The following SNTG1 variants were observed in gnomAD, a reference collection of about 807,000 sequenced individuals.
SNTG1 encodes syntrophin gamma 1, also known as gamma-1-syntrophin.
A neutral mutation model predicts 74.7 loss-of-function variants in SNTG1; 39 were observed. The ratio of observed to expected loss-of-function variants is 0.52; its 90% confidence interval spans 0.40 to 0.68. SNTG1 has a LOEUF of 0.68. Ranked by LOEUF, SNTG1 falls within the 30% of genes least tolerant of loss-of-function variation. The pLI, the probability that SNTG1 is intolerant of heterozygous loss-of-function variation, is 0.00. For missense variants in SNTG1, 685 were observed against 609.5 expected (o/e 1.12, Z -1.30); for synonymous variants, 254 against 217.1 (o/e 1.17, Z -1.49).
chr8:50,510,551 T>C (rs1210082273), intron 9 of SNTG1, among the ~76,000 whole-genome samples: 2 of 152,142 alleles, frequency 1.3e-5, no homozygotes, highest in African/African-American at 4.8e-5. Context: ...GTCCTGGACT[T>C]TTTTTGGTTG....
chr8:50,255,609 G>T (rs1167984239), intron 2 of SNTG1, among the ~76,000 whole-genome samples: 1 of 152,116 alleles, frequency 6.6e-6, no homozygotes, highest in Admixed American at 6.5e-5. Context: ...TTAGTGTTCT[G>T]ACTAGTAAAA....
chr8:50,754,793 A>C (rs1396784401), intron 18 of SNTG1, among the ~76,000 whole-genome samples: 1 of 151,822 alleles, frequency 6.6e-6, no homozygotes, highest in African/African-American at 2.4e-5. Context: ...TATAGGATTT[A>C]GTTCTATAAT....
chr8:50,246,504 CTTTT>C (rs58751270), intron 2 of SNTG1, among the ~76,000 whole-genome samples: 37 of 141,702 alleles, frequency 2.6e-4, no homozygotes, highest in Admixed American at 3.5e-4. Flanking sequence ...TAGTGTCTTT[CTTTT>C]TTTTTTTTTT....
intron 17 of SNTG1, among the ~76,000 whole-genome samples, chr8:50,715,501 C>T (rs2095472890): frequency 6.6e-6 from 1 of 152,048 alleles, no homozygotes; most frequent in Non-Finnish European, 1.5e-5. Context: ...TTTTGGAAAT[C>T]AAGATTGGTT....
intron 4 of SNTG1, among the ~76,000 whole-genome samples, chr8:50,432,680 G>GT (rs1291782387): frequency 2.0e-5 from 3 of 151,842 alleles, no homozygotes; most frequent in Admixed American, 6.6e-5. Context: ...GAACATATTT[G>GT]TTTTTTCTCT....
chr8:50,588,581 C>T (rs1389063749), intron 12 of SNTG1, among the ~76,000 whole-genome samples: 1 of 152,180 alleles, frequency 6.6e-6, no homozygotes, highest in Non-Finnish European at 1.5e-5. Flanking sequence ...TCAGCTTACA[C>T]AATTTATTTT....
intron 2 of SNTG1, among the ~76,000 whole-genome samples, chr8:50,213,217 G>A (rs1442737795): frequency 6.6e-6 from 1 of 152,084 alleles, no homozygotes; most frequent in African/African-American, 2.4e-5. Flanking sequence ...GTGTGGAGGT[G>A]GCAAAATCTT....
At position 50,792,796 on chromosome 8, in the gene SNTG1, T is replaced by C; in HGVS notation, c.1521T>C (p.Ser507=). The C allele has an allele frequency of 6.2e-7, 1 of 1,612,284 alleles. No individual in the cohort carries two copies. The highest frequency in any genetic ancestry group is 8.5e-7 in the Non-Finnish European group (1 of 1,178,758). Residue 507 remains serine, a synonymous_variant, in exon 19 of 19, where the codon TCT becomes TCC. Transcript: ENST00000642720. ...NQATASTAAS[S]ATTSKAKYTT ...CTACTGCTTCTACTGCTGCCAGCTCTGCTACCACGAGCAAAGCAAAGTATA... is the reference window on the plus strand; with the variant it reads ...CTACTGCTTCTACTGCTGCCAGCTCCGCTACCACGAGCAAAGCAAAGTATA...
intron 11 of SNTG1, among the ~76,000 whole-genome samples, chr8:50,548,518 T>C (rs2094403614): frequency 6.6e-6 from 1 of 152,192 alleles, no homozygotes; most frequent in Non-Finnish European, 1.5e-5. Flanking sequence ...GAGATGGACT[T>C]GTTTGTTTTT....
intron 1 of SNTG1, among the ~76,000 whole-genome samples, chr8:50,159,824 C>T (rs993005569): frequency 1.1e-4 from 17 of 152,072 alleles, no homozygotes; most frequent in African/African-American, 3.9e-4. Context: ...TTACAGGTTC[C>T]ATTATATATG....
intron 18 of SNTG1, among the ~76,000 whole-genome samples, chr8:50,769,139 G>T (rs2095621005): frequency 6.6e-6 from 1 of 150,614 alleles, no homozygotes; most frequent in Non-Finnish European, 1.5e-5. Context: ...CTACCCGTTT[G>T]TGTTAAGAGT....
intron 1 of SNTG1, among the ~76,000 whole-genome samples, chr8:49,938,566 T>TC (rs1209392830): frequency 7.9e-4 from 23 of 29,092 alleles, no homozygotes; most frequent in African/African-American, 2.2e-3. Context: ...TGTTTTCTTT[T>TC]CTTTTCTTTT....
chr8:50,789,560 A>C (rs930303777), intron 18 of SNTG1, among the ~76,000 whole-genome samples: 1 of 152,036 alleles, frequency 6.6e-6, no homozygotes, highest in African/African-American at 2.4e-5. Flanking sequence ...ATATGCGTTC[A>C]GATGTAACAT....
intron 9 of SNTG1, among the ~76,000 whole-genome samples, chr8:50,522,753 A>G (rs1466346052): frequency 1.3e-5 from 2 of 151,972 alleles, no homozygotes; most frequent in African/African-American, 4.8e-5. Context: ...TTATTTCTGT[A>G]TTTTTAGTAG....
intron 12 of SNTG1, among the ~76,000 whole-genome samples, chr8:50,565,299 G>A (rs1271884988): frequency 6.6e-6 from 1 of 151,990 alleles, no homozygotes; most frequent in African/African-American, 2.4e-5. Context: ...GGTAAAACCT[G>A]TGGAAATCTG....
chr8:50,399,354 G>A (rs2092771054), intron 3 of SNTG1, among the ~76,000 whole-genome samples: 1 of 152,128 alleles, frequency 6.6e-6, no homozygotes, highest in African/African-American at 2.4e-5. Context: ...CTAATAATTT[G>A]TGAACATTTT....
intron 2 of SNTG1, among the ~76,000 whole-genome samples, chr8:50,225,127 C>G (rs992774706): frequency 1.3e-5 from 2 of 152,008 alleles, no homozygotes; most frequent in African/African-American, 4.8e-5. Flanking sequence ...CCCACCACCA[C>G]GTCCAGCTAA....
At chr8:50,159,261 C>G (rs920285924) in intron 1 of SNTG1, among the ~76,000 whole-genome samples, 4 of 151,944 alleles carry the variant, frequency 2.6e-5, no homozygotes, top group Admixed American at 6.6e-5. Flanking sequence ...TTACTAAACT[C>G]TTTAGGTATG....
At chr8:50,009,833 A>G (rs1815598157) in intron 1 of SNTG1, among the ~76,000 whole-genome samples, 2 of 152,116 alleles carry the variant, frequency 1.3e-5, no homozygotes. Context: ...CCCCATCTCT[A>G]CTAAAAATAC....
Sources: gnomAD v4.1 joint callset for allele counts (sites outside exome capture counted in the v4.1 genomes callset) on GRCh38, gnomAD v4.1.1 for gene constraint, MANE v1.5 for transcripts, NCBI Gene and HGNC (gene_info 2026-07-23, HGNC 2026-07-21) for gene names.